EML4: variants seen among roughly 807,000 people sequenced by gnomAD.
EML4 encodes the protein EMAP like 4.
Under a neutral mutation model 129.0 loss-of-function variants are expected in EML4, and 72 were observed. That is an observed-to-expected ratio of 0.56 (90% CI 0.46 to 0.68). The LOEUF is 0.68. EML4 is among the 30% of genes least tolerant of loss of function. The pLI is 0.00. For synonymous variants in EML4, 532 were observed against 405.0 expected (o/e 1.31, Z -3.77); for missense variants, 1,363 against 1,190.6 (o/e 1.14, Z -2.13).
At chr2:42,296,711 T>G (rs541207702) in intron 13 of EML4, among the ~76,000 whole-genome samples, 1 of 152,276 alleles carries the variant, frequency 6.6e-6, no homozygotes, top group South Asian at 2.1e-4. Context: ...TGGGTGTCAA[T>G]GTAGGAGTAA....
intron 13 of EML4, among the ~76,000 whole-genome samples, chr2:42,300,593 G>T (rs945487310): frequency 7.2e-5 from 11 of 152,158 alleles, no homozygotes; most frequent in African/African-American, 2.4e-4. Flanking sequence ...ATCACTGCAG[G>T]TATCCATTGC....
intron 1 of EML4, among the ~76,000 whole-genome samples, chr2:42,212,063 C>G (rs1040999049): frequency 1.3e-5 from 2 of 152,084 alleles, no homozygotes; most frequent in African/African-American, 4.8e-5. Flanking sequence ...CCAGGCTGGT[C>G]TTGAGCTCCT....
chr2:42,238,986 C>G (rs1387268575), intron 1 of EML4, among the ~76,000 whole-genome samples: 1 of 152,170 alleles, frequency 6.6e-6, no homozygotes, highest in African/African-American at 2.4e-5. Context: ...CCAGGCTGGT[C>G]TTGAACTCCT....
intron 1 of EML4, among the ~76,000 whole-genome samples, chr2:42,221,930 T>G (rs1020476409): frequency 2.0e-5 from 3 of 151,968 alleles, no homozygotes; most frequent in Non-Finnish European, 4.4e-5. Context: ...GAGACAGTGT[T>G]TCATCATGTT....
At chr2:42,193,146 A>G (rs1415043600) in intron 1 of EML4, among the ~76,000 whole-genome samples, 1 of 152,224 alleles carries the variant, frequency 6.6e-6, no homozygotes, top group Admixed American at 6.5e-5. Context: ...CTGTGCTTAC[A>G]TACCATTGTG....
intron 1 of EML4, among the ~76,000 whole-genome samples, chr2:42,174,438 G>A (rs1670456124): frequency 1.3e-5 from 2 of 151,906 alleles, no homozygotes; most frequent in Non-Finnish European, 2.9e-5. Flanking sequence ...TTACAGTTGT[G>A]TACCACCACA....
intron 1 of EML4, among the ~76,000 whole-genome samples, chr2:42,231,603 T>C (rs1158695855): frequency 6.6e-6 from 1 of 152,240 alleles, no homozygotes; most frequent in Non-Finnish European, 1.5e-5. Context: ...TATCCTCTTA[T>C]GTAATCAATG....
At chr2:42,325,113 C>G (rs1669715967) in intron 19 of EML4, 1 of 462,494 alleles carries the variant, frequency 2.2e-6, no homozygotes. Context: ...ACTTCATTCT[C>G]AAAAATGGAG....
Position 42,245,716 on chromosome 2 carries a change from CT to C in EML4, c.208+31del, listed in dbSNP as rs1675362110. 3.9e-6 allele frequency: 6 copies of C among 1,523,062 alleles called. No homozygotes were observed. In the Admixed American group the frequency reaches 6.6e-5, roughly 17 times the overall value. 94.3% of individuals were successfully genotyped at this position (1,523,062 alleles called of 1,614,324 possible). The stretch of plus-strand genomic sequence containing the variant: ...ATTGTGTTGTAAAGTTAAAAAGAGT[CT>C]TGCTTTTTGCAATATTTTCTTTGAA... On this transcript the variant is annotated intron_variant, in intron 2 of 22. Coordinates refer to ENST00000318522, the MANE Select transcript of EML4 (RefSeq NM_019063.5).
chr2:42,280,584 A>G (rs771119778), intron 6 of EML4, among the ~76,000 whole-genome samples: 20 of 152,254 alleles, frequency 1.3e-4, no homozygotes, highest in Non-Finnish European at 2.5e-4. Flanking sequence ...AGATGATTCA[A>G]AATATACAGG....
rs540714904 is a variant in EML4 at position 42,219,656 on chromosome 2, G to C, written c.26-25849G>C. ...TTTCTGGCTGGGTGCAGTGGCTCAC[G>C]CCTGTAATCCCAGGATTTTGGGAGG... On this transcript the variant is annotated intron_variant, in intron 1 of 22. Coordinates refer to ENST00000318522, the MANE Select transcript of EML4 (RefSeq NM_019063.5). Among the ~76,000 whole-genome samples the C allele has an allele frequency of 1.9e-4, 29 of 152,190 alleles. No homozygotes were observed. The South Asian group carries it at 5.4e-3, about 28-fold the overall frequency.
At chr2:42,185,226 A>G (rs1671181065) in intron 1 of EML4, among the ~76,000 whole-genome samples, 2 of 152,174 alleles carry the variant, frequency 1.3e-5, no homozygotes. Context: ...TCTGTCTGAG[A>G]AAATGGTTTG....
intron 1 of EML4, among the ~76,000 whole-genome samples, chr2:42,190,227 C>A (rs1671506453): frequency 6.6e-6 from 1 of 152,138 alleles, no homozygotes; most frequent in Admixed American, 6.6e-5. Flanking sequence ...GCCAGACTTT[C>A]TATTCTTTGC....
chr2:42,198,248 G>A lies in EML4; in HGVS notation c.25+28612G>A, dbSNP rs2103944606. The stretch of plus-strand genomic sequence containing the variant: ...TTTCTTTTTTGGTTGGTAGAGATGT[G>A]AATATATATTTATCCTGAGGGAAAA... On this transcript the variant is annotated intron_variant, in intron 1 of 22. Coordinates refer to ENST00000318522, the MANE Select transcript of EML4 (RefSeq NM_019063.5). Among the ~76,000 whole-genome samples, 3 of 152,204 alleles carry A rather than the reference G, an allele frequency of 2.0e-5. No homozygotes were observed. The South Asian group carries it at 6.2e-4, about 32-fold the overall frequency.
chr2:42,226,278 G>T (rs955219156), intron 1 of EML4, among the ~76,000 whole-genome samples: 5 of 152,080 alleles, frequency 3.3e-5, no homozygotes, highest in African/African-American at 1.2e-4. Context: ...TTGGGGAGAT[G>T]TTGGCCAGAA....
rs10689031 is a variant in EML4 at position 42,296,477 on chromosome 2, T to TTCTCTC, written c.1489+977_1489+982dup. 5.3e-3 allele frequency among the ~76,000 whole-genome samples: 794 copies of TTCTCTC among 149,000 alleles called. 3 individuals are homozygous for TTCTCTC. The highest frequency in any genetic ancestry group is 0.014 in the Middle Eastern group (4 of 288). On this transcript the variant is annotated intron_variant, in intron 13 of 22. Transcript: ENST00000318522. ...AACACACTGGAACAACACCTTATAC[T>TTCTCTC]TCTCTCTCTCTCTCTCTCTCTGGAG...
At chr2:42,282,602 G>A (rs1402736899) in intron 7 of EML4, among the ~76,000 whole-genome samples, 1 of 151,856 alleles carries the variant, frequency 6.6e-6, no homozygotes, top group Non-Finnish European at 1.5e-5. Flanking sequence ...ACTATTGCCC[G>A]CACTACTCTC....
In EML4 at chr2:42,330,995, A is replaced by C; in HGVS notation, c.*788A>C. 1 of 211,406 alleles carries C rather than the reference A, an allele frequency of 4.7e-6. No individual in the cohort carries two copies. Among genetic ancestry groups the C allele is most frequent in the South Asian group, 1.9e-4 (1 of 5,312 alleles). The allele number at this position is 211,406 out of a possible 1,614,324, so 13.1% of individuals were successfully genotyped here. On this transcript the variant is annotated 3_prime_UTR_variant, in exon 23 of 23. Coordinates refer to ENST00000318522, the MANE Select transcript of EML4 (RefSeq NM_019063.5). ...CTCCAAGGAGTCCTTTACTAGCCTA[A>C]ACATTCTCAAATGTTTGAGATTCAA...
chr2:42,235,295 CA>C (rs770826722), intron 1 of EML4, among the ~76,000 whole-genome samples: 347 of 121,630 alleles, frequency 2.9e-3, no homozygotes, highest in Middle Eastern at 8.8e-3. Context: ...AACTCCATCT[CA>C]AAAAAAAAAA....
Sources: allele counts gnomAD v4.1 joint callset (sites outside exome capture counted in the v4.1 genomes callset), GRCh38; gene constraint gnomAD v4.1.1; transcripts MANE v1.5; gene names NCBI Gene and HGNC (gene_info 2026-07-23, HGNC 2026-07-21).